Variants in MAN1A1 observed in about 807,000 individuals in gnomAD.
MAN1A1 encodes the protein mannosidase alpha class 1A member 1.
MAN1A1 carries 29 observed loss-of-function variants against 70.8 expected under a neutral mutation model. The ratio of observed to expected loss-of-function variants is 0.41; its 90% CI spans 0.31 to 0.56. The LOEUF (loss-of-function observed/expected upper bound fraction) is 0.56, where lower values mean the gene tolerates loss of function less well. MAN1A1 is among the 20% of genes least tolerant of loss of function. The pLI, the probability that MAN1A1 is intolerant of heterozygous loss-of-function variation, is 0.29. For missense variants in MAN1A1, 747 were observed against 841.3 expected (o/e 0.89, Z 1.39); for synonymous variants, 349 against 330.1 (o/e 1.06, Z -0.62).
At chr6:119,223,512 T>C (rs1000370924) in intron 6 of MAN1A1, among the ~76,000 whole-genome samples, 1 of 152,138 alleles carries the variant, frequency 6.6e-6, no homozygotes, top group Non-Finnish European at 1.5e-5. Flanking sequence ...TATTCATACT[T>C]ACTAACTGAA....
At chr6:119,209,097 A>AAG (rs1436440801) in intron 6 of MAN1A1, among the ~76,000 whole-genome samples, 3 of 151,816 alleles carry the variant, frequency 2.0e-5, no homozygotes, top group Admixed American at 1.3e-4. Flanking sequence ...TCTCAAAAAA[A>AAG]AAAAAAAAAA....
intron 6 of MAN1A1, among the ~76,000 whole-genome samples, chr6:119,223,949 A>G (rs1178356203): frequency 6.6e-6 from 1 of 152,222 alleles, no homozygotes; most frequent in Non-Finnish European, 1.5e-5. Flanking sequence ...AGACACCAAC[A>G]GCAATTAGTA....
intron 5 of MAN1A1, among the ~76,000 whole-genome samples, chr6:119,284,715 A>G (rs1030162954): frequency 2.6e-5 from 4 of 152,094 alleles, no homozygotes; most frequent in Admixed American, 1.3e-4. Flanking sequence ...TAAGTTGTCT[A>G]ATATTGTATA....
intron 8 of MAN1A1, among the ~76,000 whole-genome samples, chr6:119,201,052 A>G (rs1194315794): frequency 6.6e-6 from 1 of 152,140 alleles, no homozygotes; most frequent in Non-Finnish European, 1.5e-5. Flanking sequence ...ATGTCATCAC[A>G]CTTGGAGTTA....
chr6:119,312,826 G>A (rs187290035), intron 2 of MAN1A1, among the ~76,000 whole-genome samples: 10 of 152,192 alleles, frequency 6.6e-5, no homozygotes, highest in African/African-American at 9.7e-5. Flanking sequence ...GGGACAGGGT[G>A]TATATGGGAA....
At chr6:119,338,450 A>G (rs780604374) in intron 2 of MAN1A1, among the ~76,000 whole-genome samples, 85 of 152,314 alleles carry the variant, frequency 5.6e-4, no homozygotes, top group Non-Finnish European at 1.1e-3. Flanking sequence ...CTCACATACA[A>G]AAGATTAGCC....
intron 5 of MAN1A1, among the ~76,000 whole-genome samples, chr6:119,272,492 C>A (rs1775951372): frequency 6.6e-6 from 1 of 152,130 alleles, no homozygotes; most frequent in Admixed American, 6.5e-5. Flanking sequence ...TAGGAATAGA[C>A]AAAGTCACTG....
At chr6:119,217,390 C>T (rs1383897411) in intron 6 of MAN1A1, among the ~76,000 whole-genome samples, 1 of 152,012 alleles carries the variant, frequency 6.6e-6, no homozygotes, top group Non-Finnish European at 1.5e-5. Context: ...CAAGCAATTC[C>T]CCTGCCTCAG....
At chr6:119,300,809 T>A (rs1031787305) in intron 4 of MAN1A1, among the ~76,000 whole-genome samples, 1 of 152,186 alleles carries the variant, frequency 6.6e-6, no homozygotes, top group African/African-American at 2.4e-5. Context: ...TAGATTCAAT[T>A]ATTAGGCAAA....
chr6:119,209,755 C>T (rs550313562), intron 6 of MAN1A1, among the ~76,000 whole-genome samples: 1 of 152,254 alleles, frequency 6.6e-6, no homozygotes, highest in Non-Finnish European at 1.5e-5. Flanking sequence ...ACTCTTAGGA[C>T]CTCACTAAGA....
At chr6:119,325,504 A>G (rs182432787) in intron 2 of MAN1A1, among the ~76,000 whole-genome samples, 6 of 152,264 alleles carry the variant, frequency 3.9e-5, no homozygotes, top group Non-Finnish European at 7.4e-5. Context: ...TAAAAATACA[A>G]AAATTAGCCA....
chr6:119,283,258 C>G (rs933493529), intron 5 of MAN1A1, among the ~76,000 whole-genome samples: 2 of 152,194 alleles, frequency 1.3e-5, no homozygotes, highest in Non-Finnish European at 2.9e-5. Context: ...TATCCATGTA[C>G]AGATTTTACT....
intron 3 of MAN1A1, among the ~76,000 whole-genome samples, chr6:119,302,565 A>G (rs1353929363): frequency 1.3e-5 from 2 of 151,896 alleles, no homozygotes; most frequent in Admixed American, 6.6e-5. Flanking sequence ...TGTTTTTAGT[A>G]GAGACGGGGT....
intron 5 of MAN1A1, among the ~76,000 whole-genome samples, chr6:119,289,314 T>C (rs1416945305): frequency 6.6e-6 from 1 of 151,978 alleles, no homozygotes; most frequent in Admixed American, 6.6e-5. Flanking sequence ...CAAGGTCATC[T>C]TAGCATATCA....
rs551631312 is a variant in MAN1A1, at chr6:119,189,728, G to C, written c.1482C>G (p.Ala494=). Residue 494 remains alanine (A), a synonymous_variant, in exon 10 of 13, where the codon GCC becomes GCG. Transcript: ENST00000368468. ...LGADAAPEGM[A]QHYLELGAEI... ...CAGCCCCGAGTTCAAGGTAGTGTTG[G>C]GCCATGCCTTCGGGAGCTGCATCAG... 3 of 1,613,912 alleles carry C rather than the reference G, an allele frequency of 1.9e-6. No homozygotes were observed. The highest frequency in any genetic ancestry group is 2.5e-6 in the Non-Finnish European group (3 of 1,179,978).
chr6:119,233,008 T>G (rs1417861770), intron 6 of MAN1A1, among the ~76,000 whole-genome samples: 1 of 152,204 alleles, frequency 6.6e-6, no homozygotes, highest in Non-Finnish European at 1.5e-5. Flanking sequence ...TTTTTGAAAC[T>G]TCTTTATCAA....
At chr6:119,345,395 T>C (rs1182561386) in intron 2 of MAN1A1, among the ~76,000 whole-genome samples, 4 of 152,192 alleles carry the variant, frequency 2.6e-5, no homozygotes, top group African/African-American at 9.7e-5. Flanking sequence ...TATGTATGTA[T>C]CATAAATCTC....
intron 6 of MAN1A1, among the ~76,000 whole-genome samples, chr6:119,247,338 T>C (rs1775193761): frequency 6.6e-6 from 1 of 152,196 alleles, no homozygotes; most frequent in Non-Finnish European, 1.5e-5. Context: ...AATTAATCTC[T>C]CTGTGACTAG....
At chr6:119,346,740 C>T (rs1301994593) in intron 2 of MAN1A1, among the ~76,000 whole-genome samples, 2 of 152,180 alleles carry the variant, frequency 1.3e-5, no homozygotes, top group East Asian at 3.8e-4. Flanking sequence ...ATGTATCTTT[C>T]GTATTAAAAT....
Sources: gnomAD v4.1 joint callset for allele counts (sites outside exome capture counted in the v4.1 genomes callset) on GRCh38, gnomAD v4.1.1 for gene constraint, MANE v1.5 for transcripts, NCBI Gene and HGNC (gene_info 2026-07-23, HGNC 2026-07-21) for gene names.